The following SERINC5 variants were observed in gnomAD, a reference collection of about 807,000 sequenced individuals.
SERINC5 encodes serine incorporator 5.
Under a neutral mutation model 63.1 loss-of-function variants are expected in SERINC5, and 41 were observed. That is an observed-to-expected ratio of 0.65 (90% CI 0.51 to 0.84). The LOEUF (loss-of-function observed/expected upper bound fraction) is 0.84, where lower values mean the gene tolerates loss of function less well. Ranked by LOEUF, SERINC5 falls within the 40% of genes least tolerant of loss-of-function variation. The pLI is 0.00. For missense variants in SERINC5, 523 were observed against 573.0 expected (o/e 0.91, Z 0.89); for synonymous variants, 222 against 215.2 (o/e 1.03, Z -0.28).
intron 1 of SERINC5, among the ~76,000 whole-genome samples, chr5:80,238,059 G>A (rs547837538): frequency 1.4e-3 from 194 of 136,830 alleles, no homozygotes; most frequent in African/African-American, 5.2e-3. Flanking sequence ...AGCAGAGATC[G>A]CACCACTGCA....
chr5:80,128,350 G>A (rs1744822068), intron 11 of SERINC5: 1 of 152,228 alleles, frequency 6.6e-6, no homozygotes, highest in African/African-American at 2.4e-5. Context: ...GGGGCCACAA[G>A]GGGAAACCAG....
intron 8 of SERINC5, chr5:80,158,381 C>G (rs1746670581): frequency 5.9e-6 from 1 of 168,356 alleles, no homozygotes; most frequent in African/African-American, 2.4e-5. Flanking sequence ...GCACACAGCA[C>G]TCTGTACTCT....
chr5:80,178,353 C>A (rs1301724810), intron 2 of SERINC5, among the ~76,000 whole-genome samples: 2 of 123,940 alleles, frequency 1.6e-5, no homozygotes, highest in African/African-American at 3.1e-5. Context: ...CCCCCACCCC[C>A]ACCCCCACCC....
chr5:80,129,884 G>C (rs1178424960), intron 11 of SERINC5, among the ~76,000 whole-genome samples: 2 of 152,124 alleles, frequency 1.3e-5, no homozygotes, highest in African/African-American at 2.4e-5. Context: ...GATACATTTT[G>C]CTAAATGTGC....
In SERINC5 at chr5:80,141,454, C is replaced by G. The variant is rs774411356; in HGVS notation, c.*2209G>C. 6 of 981,334 alleles carry G rather than the reference C, an allele frequency of 6.1e-6. No individual in the cohort carries two copies. The highest frequency in any genetic ancestry group is 4.8e-6 in the Non-Finnish European group (4 of 829,982). 60.8% of individuals were successfully genotyped at this position (981,334 alleles called of 1,614,324 possible). ...CCTTGTCAGCTGGACCTTGACTGCG[C>G]GTAAGGTCAGTTTCTCAAATCACAC... On this transcript the variant is annotated 3_prime_UTR_variant, in exon 12 of 12. Transcript: ENST00000507668.
At chr5:80,224,815 G>A (rs904401358) in intron 1 of SERINC5, among the ~76,000 whole-genome samples, 12 of 151,794 alleles carry the variant, frequency 7.9e-5, no homozygotes, top group African/African-American at 2.9e-4. Context: ...TAGTAGAGAC[G>A]GGGTTTCACC....
intron 2 of SERINC5, among the ~76,000 whole-genome samples, chr5:80,200,434 C>T (rs1749760312): frequency 6.6e-6 from 1 of 151,094 alleles, no homozygotes; most frequent in African/African-American, 2.4e-5. Context: ...TGCAGTGAGC[C>T]GAGATCGCAC....
At chr5:80,223,494 A>G (rs888830001) in intron 1 of SERINC5, among the ~76,000 whole-genome samples, 2 of 152,184 alleles carry the variant, frequency 1.3e-5, no homozygotes, top group Non-Finnish European at 2.9e-5. Context: ...GAATCCACGG[A>G]TACAGAGGGC....
At chr5:80,136,241 C>A (rs183482286), downstream of SERINC5, among the ~76,000 whole-genome samples, 1 of 152,010 alleles carries the variant, frequency 6.6e-6, no homozygotes, top group East Asian at 1.9e-4. Context: ...TACGATCACA[C>A]CACTACACTC....
chr5:80,213,680 G>A (rs1262678532), intron 1 of SERINC5, among the ~76,000 whole-genome samples: 1 of 152,094 alleles, frequency 6.6e-6, no homozygotes, highest in African/African-American at 2.4e-5. Flanking sequence ...GCCCCTTCCT[G>A]TCTCCCATGC....
intron 2 of SERINC5, among the ~76,000 whole-genome samples, chr5:80,183,204 G>A (rs75836237): frequency 0.011 from 1,648 of 152,302 alleles, 39 homozygotes; most frequent in African/African-American, 0.037. Context: ...ACAATTGGCA[G>A]GAGAGCACAG....
Position 80,141,280 on chromosome 5 carries a change from C to T in SERINC5, c.*2383G>A, listed in dbSNP as rs537586679. The T allele has an allele frequency of 6.1e-6, 6 of 985,456 alleles. No homozygotes were observed. The South Asian group carries it at 2.3e-4, about 39-fold the overall frequency. 61.0% of individuals were successfully genotyped at this position (985,456 alleles called of 1,614,324 possible). ...AGGGAACGGGATGTCACAAACCAGACTCACGCATCTGGAAAACGTTGTGTG... is the reference window on the plus strand; with the variant it reads ...AGGGAACGGGATGTCACAAACCAGATTCACGCATCTGGAAAACGTTGTGTG... On this transcript the variant is annotated 3_prime_UTR_variant, in exon 12 of 12. Transcript: ENST00000507668.
chr5:80,174,209 A>G (rs1747864207), intron 5 of SERINC5, among the ~76,000 whole-genome samples: 1 of 151,810 alleles, frequency 6.6e-6, no homozygotes, highest in Non-Finnish European at 1.5e-5. Context: ...AAGCAAACAA[A>G]AAAAGAAATT....
At chr5:80,146,056 G>C in intron 11 of SERINC5, 34 bp downstream of exon 11, 3 of 1,610,848 alleles carry the variant, frequency 1.9e-6, no homozygotes, top group Non-Finnish European at 2.5e-6. Flanking sequence ...TTAAGGCTTT[G>C]CTTCAAAAAT....
intron 2 of SERINC5, among the ~76,000 whole-genome samples, chr5:80,194,456 T>C (rs2112468277): frequency 6.6e-6 from 1 of 152,334 alleles, no homozygotes; most frequent in African/African-American, 2.4e-5. Flanking sequence ...AAGCGGAATA[T>C]TTTTCACTGA....
chr5:80,122,216 A>ATATATATATATAATG (rs1561348089), intron 11 of SERINC5, among the ~76,000 whole-genome samples: 8 of 67,506 alleles, frequency 1.2e-4, no homozygotes, highest in African/African-American at 5.7e-4. Context: ...TATATATAAT[A>ATATATATATATAATG]TGAGTTTATT....
intron 1 of SERINC5, among the ~76,000 whole-genome samples, chr5:80,252,444 G>T (rs1248796302): frequency 6.6e-6 from 1 of 152,100 alleles, no homozygotes; most frequent in Admixed American, 6.6e-5. Context: ...AGGAAGCCCT[G>T]TGTTCATTAC....
intron 1 of SERINC5, among the ~76,000 whole-genome samples, chr5:80,249,043 G>GCA (rs1561455605): frequency 5.3e-5 from 8 of 152,078 alleles, no homozygotes; most frequent in African/African-American, 1.9e-4. Flanking sequence ...GGCCGGGTAC[G>GCA]GTGGCTCACG....
intron 8 of SERINC5, among the ~76,000 whole-genome samples, chr5:80,155,589 A>G (rs1746470536): frequency 6.6e-6 from 1 of 150,628 alleles, no homozygotes; most frequent in African/African-American, 2.5e-5. Flanking sequence ...AAAAAGGAAG[A>G]AAGAAGGAGA....
Sources: gnomAD v4.1 joint callset for allele counts (sites outside exome capture counted in the v4.1 genomes callset) on GRCh38, gnomAD v4.1.1 for gene constraint, MANE v1.5 for transcripts, NCBI Gene and HGNC (gene_info 2026-07-23, HGNC 2026-07-21) for gene names.